Variants in WRNIP1 observed in about 807,000 individuals in gnomAD.
The protein encoded by WRNIP1 is ATPase WRNIP1.
In WRNIP1, 41 loss-of-function variants were observed where a neutral mutation model predicts 56.1. The observed-to-expected ratio is 0.73, with a 90% CI of 0.57 to 0.95. The LOEUF (loss-of-function observed/expected upper bound fraction) is 0.95. Ranked by LOEUF, WRNIP1 falls within the 40% of genes least tolerant of loss-of-function variation. The pLI is 0.00. For synonymous variants in WRNIP1, 547 were observed against 398.1 expected, an observed-to-expected ratio of 1.37 and a Z score of -4.45; for missense variants, 1,170 against 939.4, an observed-to-expected ratio of 1.25 and a Z score of -3.21.
rs1765505072 is a variant in WRNIP1 at position 2,779,355 on chromosome 6, C to G, written c.1349C>G (p.Ala450Gly). 6.2e-7 allele frequency: 1 copy of G among 1,614,130 alleles called. No homozygotes were observed. The highest frequency in any genetic ancestry group is 1.7e-5 in the Admixed American group (1 of 60,022). The change falls in exon 4 of 7, where the codon GCG (alanine) becomes GGG (glycine). Residue 450 changes from alanine (A) to glycine (G), a missense_variant. Transcript: ENST00000380773. ...ARAGLNGLQL[A>G]VLARLSSRKM... is the part of the protein sequence containing the mutation. ...GCTGGGTTGAACGGACTGCAGCTGG[C>G]GGTGCTGGCTAGGTTAAGCTCTAGG...
chr6:2,775,008 C>T (rs1765399886), intron 3 of WRNIP1, among the ~76,000 whole-genome samples: 1 of 152,182 alleles, frequency 6.6e-6, no homozygotes, highest in Non-Finnish European at 1.5e-5. Flanking sequence ...CTCAATACAG[C>T]TCTGCAAAGT....
intron 3 of WRNIP1, among the ~76,000 whole-genome samples, chr6:2,776,394 ACTTTCTT>A (rs1353999321): frequency 6.6e-6 from 1 of 152,192 alleles, no homozygotes; most frequent in Non-Finnish European, 1.5e-5. Flanking sequence ...GCCTCGAAAT[ACTTTCTT>A]CTTTTGGACG....
At chr6:2,783,946 C>T (rs1765645254) in intron 5 of WRNIP1, among the ~76,000 whole-genome samples, 1 of 152,128 alleles carries the variant, frequency 6.6e-6, no homozygotes, top group African/African-American at 2.4e-5. Context: ...AGACTCTAGA[C>T]ACTATATGAA....
In WRNIP1 at chr6:2,766,384, G is replaced by T; in HGVS notation, c.762G>T (p.Ser254=). 2 of 1,607,836 alleles carry T rather than the reference G, an allele frequency of 1.2e-6. No individual in the cohort carries two copies. Among genetic ancestry groups the T allele is most frequent in the Non-Finnish European group, 1.7e-6 (2 of 1,177,402 alleles). The change falls in exon 1 of 7, where the codon TCG becomes TCT. Residue 254 remains serine (S), a synonymous_variant. Coordinates refer to ENST00000380773, the MANE Select transcript of WRNIP1 (RefSeq NM_020135.3). ...TGGGCCAGGATACCCTGCTGCGCTC[G>T]CTCCTGGAGACCAACGAAATCCCCT... is the stretch of plus-strand genomic sequence containing the variant. ...KAVGQDTLLR[S]LLETNEIPSL... is the part of the protein sequence containing the mutation.
At chr6:2,773,080 C>G in intron 3 of WRNIP1, 1 of 985,422 alleles carries the variant, frequency 1.0e-6, no homozygotes, top group Non-Finnish European at 1.2e-6. Flanking sequence ...ACTAATCAAG[C>G]TGCCGCTTAG....
chr6:2,769,551 T>C (rs1463220130), intron 2 of WRNIP1, among the ~76,000 whole-genome samples: 2 of 152,166 alleles, frequency 1.3e-5, no homozygotes, highest in Non-Finnish European at 2.9e-5. Context: ...TTCACAAAAC[T>C]CTACTGAGCC....
intron 3 of WRNIP1, among the ~76,000 whole-genome samples, chr6:2,771,673 C>T (rs552704341): frequency 6.6e-6 from 1 of 152,160 alleles, no homozygotes; most frequent in Non-Finnish European, 1.5e-5. Flanking sequence ...GGGTGCTCAT[C>T]TGGTAAGTAT....
At chr6:2,777,556 T>C (rs960315266) in intron 3 of WRNIP1, among the ~76,000 whole-genome samples, 1 of 152,226 alleles carries the variant, frequency 6.6e-6, no homozygotes, top group Admixed American at 6.5e-5. Context: ...CTGTTCTCCC[T>C]ACCTGTCTTC....
Position 2,783,436 on chromosome 6 carries a change from T to C in WRNIP1, c.1517T>C (p.Leu506Pro). Residue 506 changes from leucine (L) to proline (P), a missense_variant, in exon 5 of 7, where the codon CTG (leucine) becomes CCG (proline). Leu to Pro is a moderately conservative substitution (Grantham distance 98). Coordinates refer to ENST00000380773, the MANE Select transcript of WRNIP1 (RefSeq NM_020135.3). ...GAGCATTACAACTGCATCTCCGCCC[T>C]GCACAAGTCCATGCGGGGCTCAGAC... Reference protein sequence around the residue: ...GEEHYNCISALHKSMRGSDQN... With the variant: ...GEEHYNCISAPHKSMRGSDQN... 1 of 1,611,428 alleles carries C rather than the reference T, an allele frequency of 6.2e-7. No individual in the cohort carries two copies.
rs200240242 is a variant in WRNIP1 at position 2,783,450 on chromosome 6, C to T, written c.1531C>T (p.Arg511Trp). The change falls in exon 5 of 7, where the codon CGG becomes TGG. Residue 511 changes from arginine (R) to tryptophan (W), a missense_variant. Transcript: ENST00000380773. ...CATCTCCGCCCTGCACAAGTCCATG[C>T]GGGGCTCAGACCAGAACGCCTCCCT... ...NCISALHKSM[R>W]GSDQNASLYW... 6.4e-5 allele frequency: 103 copies of T among 1,613,074 alleles called. No homozygotes were observed. The Middle Eastern group carries it at 8.3e-4, about 13-fold the overall frequency.
In WRNIP1 at chr6:2,765,821, C is replaced by T. The variant is rs1291270943; in HGVS notation, c.199C>T (p.Pro67Ser). The T allele has an allele frequency of 7.4e-6, 10 of 1,356,382 alleles. No homozygotes were observed. Among genetic ancestry groups the T allele is most frequent in the Non-Finnish European group, 8.5e-6 (9 of 1,059,572 alleles). 84.0% of individuals were successfully genotyped at this position (1,356,382 alleles called of 1,614,324 possible). Residue 67 changes from proline (P) to serine (S), a missense_variant, in exon 1 of 7, where the codon CCC (proline) becomes TCC (serine). Transcript: ENST00000380773. ...GGAGCGGGCCAAGGGGCCCTCGCCG[C>T]CCGGCGCCAAGAGGCGGCGGCTGTC... Reference protein sequence around the residue: ...AGERAKGPSPPGAKRRRLSES... With the variant: ...AGERAKGPSPSGAKRRRLSES...
chr6:2,775,107 A>G lies in WRNIP1; in HGVS notation c.1257-4156A>G, dbSNP rs189954397. On this transcript the variant is annotated intron_variant, in intron 3 of 6. Coordinates refer to ENST00000380773, the MANE Select transcript of WRNIP1 (RefSeq NM_020135.3). ...CCCAAGACCAACCAGCTTCAATGTG[A>G]TGGAGCCAGTGTTTAAGGCATGTCT... 7.2e-5 allele frequency among the ~76,000 whole-genome samples: 11 copies of G among 152,328 alleles called. No individual in the cohort carries two copies. In the East Asian group the frequency reaches 1.7e-3, roughly 24 times the overall value.
Position 2,766,217 on chromosome 6 carries a change from G to C in WRNIP1, c.595G>C (p.Ala199Pro). ...WDADAAEAAT[A>P]FGASGGGRPH... is the part of the protein sequence containing the mutation. ...CGCGGACGCTGCCGAAGCCGCCACC[G>C]CCTTCGGGGCCAGTGGCGGGGGCCG... The change falls in exon 1 of 7, where the codon GCC becomes CCC. Residue 199 changes from alanine (A) to proline (P), a missense_variant. Coordinates refer to ENST00000380773, the MANE Select transcript of WRNIP1 (RefSeq NM_020135.3). The C allele has an allele frequency of 1.4e-6, 2 of 1,476,212 alleles. No homozygotes were observed. The highest frequency in any genetic ancestry group is 1.3e-5 in the South Asian group (1 of 75,464). 91.4% of individuals were successfully genotyped at this position (1,476,212 alleles called of 1,614,324 possible). A position where few individuals can be genotyped will look rare whatever the true frequency, so the allele number is the denominator to read the frequency against.
intron 3 of WRNIP1, among the ~76,000 whole-genome samples, chr6:2,775,944 CTT>C (rs1554137849): frequency 1.3e-5 from 2 of 152,184 alleles, no homozygotes; most frequent in Non-Finnish European, 2.9e-5. Flanking sequence ...GATTTTACCT[CTT>C]TTTATTGTAT....
At chr6:2,770,437 G>C (rs542811591) in intron 3 of WRNIP1, 76 bp downstream of exon 3, 191 of 1,576,564 alleles carry the variant, frequency 1.2e-4, no homozygotes, top group Non-Finnish European at 1.6e-4. Context: ...AGAAAGGGCC[G>C]GGCGTCAGTG....
In WRNIP1 at chr6:2,779,451, A is replaced by G; in HGVS notation, c.1445A>G (p.Lys482Arg). Residue 482 changes from lysine to arginine, a missense_variant, in exon 4 of 7, where the codon AAG becomes AGG. By Grantham distance (26) the Lys-to-Arg change is conservative. Coordinates refer to ENST00000380773, the MANE Select transcript of WRNIP1 (RefSeq NM_020135.3). ...GTTCTGATCACAGAGAATGACGTGA[A>G]GGAGGGCCTACAGCGATCCCACATT... ...SRVLITENDV[K>R]EGLQRSHILY... 2 of 1,614,220 alleles carry G rather than the reference A, an allele frequency of 1.2e-6. No homozygotes were observed. The highest frequency in any genetic ancestry group is 1.7e-5 in the Admixed American group (1 of 60,030).
In WRNIP1 at chr6:2,765,558, G is replaced by T. The variant is rs1233686664; in HGVS notation, c.-65G>T. On this transcript the variant is annotated 5_prime_UTR_variant, in exon 1 of 7. Coordinates refer to ENST00000380773, the MANE Select transcript of WRNIP1 (RefSeq NM_020135.3). The stretch of plus-strand genomic sequence containing the variant: ...GGCGCGGGGCCTAGCGGAGGGCATC[G>T]AAGGCCTCCGCGTGCGCACGGGTTG... The T allele has an allele frequency of 1.3e-5, 18 of 1,380,386 alleles. No homozygotes were observed. The highest frequency in any genetic ancestry group is 1.6e-5 in the Non-Finnish European group (17 of 1,073,884). 85.5% of individuals were successfully genotyped at this position (1,380,386 alleles called of 1,614,324 possible).
chr6:2,769,665 C>T (rs1264689769), intron 2 of WRNIP1, among the ~76,000 whole-genome samples: 1 of 152,012 alleles, frequency 6.6e-6, no homozygotes, highest in Non-Finnish European at 1.5e-5. Flanking sequence ...TATTTTTTCC[C>T]CATAAAACAG....
intron 3 of WRNIP1, among the ~76,000 whole-genome samples, chr6:2,775,944 C>T (rs1413147669): frequency 2.0e-5 from 3 of 152,184 alleles, no homozygotes; most frequent in Non-Finnish European, 2.9e-5. Context: ...GATTTTACCT[C>T]TTTTTATTGT....
Sources: gnomAD v4.1 joint callset for allele counts (sites outside exome capture counted in the v4.1 genomes callset) on GRCh38, gnomAD v4.1.1 for gene constraint, MANE v1.5 for transcripts, NCBI Gene and HGNC (gene_info 2026-07-23, HGNC 2026-07-21) for gene names.